ATL3: variants seen among roughly 807,000 people sequenced by gnomAD.
The protein encoded by ATL3 is atlastin-3.
A neutral mutation model predicts 69.5 loss-of-function variants in ATL3; 49 were observed. The observed-to-expected ratio is 0.71, with a 90% CI of 0.56 to 0.89. The LOEUF (loss-of-function observed/expected upper bound fraction) is 0.89, where lower values mean the gene tolerates loss of function less well. ATL3 is among the 40% of genes least tolerant of loss of function. The probability of loss-of-function intolerance (pLI) is 0.00; values close to 1 mark genes in which losing one functional copy is unlikely to be tolerated. For synonymous variants in ATL3, 214 were observed against 224.1 expected, an observed-to-expected ratio of 0.95 and a Z score of 0.40; for missense variants, 606 against 645.7, an observed-to-expected ratio of 0.94 and a Z score of 0.67.
intron 12 of ATL3, among the ~76,000 whole-genome samples, chr11:63,630,836 T>C (rs1034846608): frequency 3.3e-5 from 5 of 150,190 alleles, no homozygotes; most frequent in Admixed American, 6.6e-5. Flanking sequence ...GGGGCCTTTT[T>C]AGACATGGAA....
At chr11:63,661,458 A>G (rs115880642) in intron 1 of ATL3, among the ~76,000 whole-genome samples, 1 of 152,306 alleles carries the variant, frequency 6.6e-6, no homozygotes, top group Non-Finnish European at 1.5e-5. Flanking sequence ...TTAATTTGAA[A>G]TTCAGGCCAG....
chr11:63,665,621 G>A (rs540816843), intron 1 of ATL3, among the ~76,000 whole-genome samples: 2 of 152,216 alleles, frequency 1.3e-5, no homozygotes, highest in Admixed American at 6.5e-5. Flanking sequence ...GGCATGGGAG[G>A]TCTCGCCTAT....
chr11:63,645,314 G>A (rs1282044964), intron 6 of ATL3, among the ~76,000 whole-genome samples: 1 of 151,682 alleles, frequency 6.6e-6, no homozygotes, highest in Admixed American at 6.6e-5. Flanking sequence ...AGAATTGCTT[G>A]AACCTGGGAG....
chr11:63,632,784 T>C (rs527490354), intron 11 of ATL3: 129 of 824,514 alleles, frequency 1.6e-4, no homozygotes, highest in African/African-American at 2.4e-4. Flanking sequence ...ATTACTCCCA[T>C]TGAAACTATG....
At position 63,648,204 on chromosome 11, in the gene ATL3, TAAATC is replaced by T. The variant is rs780921692; in HGVS notation, c.562-1646_562-1642del. 5.4e-4 allele frequency among the ~76,000 whole-genome samples: 82 copies of T among 152,250 alleles called. No individual in the cohort carries two copies. In the Middle Eastern group the frequency reaches 0.017, roughly 32 times the overall value. On this transcript the variant is annotated intron_variant, in intron 5 of 12. Coordinates refer to ENST00000398868, the MANE Select transcript of ATL3 (RefSeq NM_015459.5). ...AGTCTCCTACCTTCAAACAGGTACT[TAAATC>T]AAAGTCCACATAGTGAGCAGTGGGA... is the stretch of plus-strand genomic sequence containing the variant.
chr11:63,656,607 G>A (rs1049698394), intron 3 of ATL3, among the ~76,000 whole-genome samples: 9 of 150,978 alleles, frequency 6.0e-5, no homozygotes, highest in Non-Finnish European at 7.4e-5. Flanking sequence ...GGTGGTGCGC[G>A]CCTGTAGTCC....
At chr11:63,670,187 G>A (rs1940728399) in intron 1 of ATL3, among the ~76,000 whole-genome samples, 3 of 152,124 alleles carry the variant, frequency 2.0e-5, no homozygotes, top group Middle Eastern at 3.4e-3. Context: ...GTGTTAGAGC[G>A]GCAACAGGAA....
intron 1 of ATL3, among the ~76,000 whole-genome samples, chr11:63,666,851 G>C (rs1325771180): frequency 6.6e-6 from 1 of 152,160 alleles, no homozygotes; most frequent in Non-Finnish European, 1.5e-5. Context: ...TGCAACAACA[G>C]TTAATGCTGT....
Position 63,629,358 on chromosome 11 carries a change from T to C in ATL3, c.1587A>G (p.Ala529=), listed in dbSNP as rs764146494. 1.9e-6 allele frequency: 3 copies of C among 1,614,068 alleles called. No individual in the cohort carries two copies. The highest frequency in any genetic ancestry group is 2.5e-6 in the Non-Finnish European group (3 of 1,180,044). The part of the protein sequence containing the change: ...GNSTQATVRD[A]VVGRPSMDKK... ...TATCCATGGATGGTCTTCCAACAACTGCATCCCTCACAGTGGCCTGAGTGG... is the reference window on the plus strand; with the variant it reads ...TATCCATGGATGGTCTTCCAACAACCGCATCCCTCACAGTGGCCTGAGTGG... The change falls in exon 13 of 13, where the codon GCA becomes GCG. Residue 529 remains alanine, a synonymous_variant. Coordinates refer to ENST00000398868, the MANE Select transcript of ATL3 (RefSeq NM_015459.5).
intron 5 of ATL3, among the ~76,000 whole-genome samples, chr11:63,651,179 G>A (rs745892901): frequency 5.3e-5 from 8 of 152,038 alleles, no homozygotes; most frequent in South Asian, 4.1e-4. Flanking sequence ...GAAAAAGGCC[G>A]GGCGCGGTGG....
rs1351962196 is a variant in ATL3, at chr11:63,624,537, CTTCT to C, written c.*4778_*4781del. 2.6e-5 allele frequency: 4 copies of C among 152,132 alleles called. No individual in the cohort carries two copies. The highest frequency in any genetic ancestry group is 5.9e-5 in the Non-Finnish European group (4 of 68,028). The allele number at this position is 152,132 out of a possible 1,614,324, so 9.4% of individuals were successfully genotyped here. On this transcript the variant is annotated 3_prime_UTR_variant, in exon 13 of 13. Transcript: ENST00000398868. ...CTAATGACAGGAATTAGGATCTTGT[CTTCT>C]TTCTTGTTCATTATTTTTATTTGTG...
In ATL3 at chr11:63,633,134, C is replaced by A. The variant is rs756035047; in HGVS notation, c.1036-37G>T. On this transcript the variant is annotated intron_variant, in intron 10 of 12. Coordinates refer to ENST00000398868, the MANE Select transcript of ATL3 (RefSeq NM_015459.5). Reference sequence around the variant, plus strand: ...GAAAAACGTGAACTGTAAATCCTTCCTCTTTTAACATTCCTCCACAAATAA... The same window carrying A: ...GAAAAACGTGAACTGTAAATCCTTCATCTTTTAACATTCCTCCACAAATAA... 3.2e-6 allele frequency: 5 copies of A among 1,545,712 alleles called. No homozygotes were observed. The South Asian group carries it at 5.6e-5, about 17-fold the overall frequency.
upstream of ATL3, chr11:63,671,379 G>A (rs765703663): frequency 1.3e-6 from 2 of 1,554,726 alleles, no homozygotes; most frequent in Middle Eastern, 1.7e-4. Context: ...GTGCAGAGGA[G>A]AGGGACGGGT....
chr11:63,671,513 C>T (rs1940782315), upstream of ATL3: 2 of 1,441,938 alleles, frequency 1.4e-6, no homozygotes, highest in Non-Finnish European at 9.1e-7. Context: ...GTCTGCGTGG[C>T]CCAACGGACA....
chr11:63,661,042 C>T (rs1008565288), intron 1 of ATL3, among the ~76,000 whole-genome samples: 1 of 150,950 alleles, frequency 6.6e-6, no homozygotes, highest in African/African-American at 2.4e-5. Context: ...GGTAAAGCCC[C>T]GTCTCTATAA....
In ATL3 at chr11:63,633,202, T is replaced by C. The variant is rs974867512; in HGVS notation, c.1036-105A>G. On this transcript the variant is annotated intron_variant, in intron 10 of 12. Coordinates refer to ENST00000398868, the MANE Select transcript of ATL3 (RefSeq NM_015459.5). ...CTATTCCCCATTCTTCCTTTTTTAT[T>C]AACCTTCTATTTTTCTAGATTTCCA... The C allele has an allele frequency of 1.1e-5, 10 of 888,116 alleles. No homozygotes were observed. In the Admixed American group the frequency reaches 2.3e-4, roughly 21 times the overall value. 55.0% of individuals were successfully genotyped at this position (888,116 alleles called of 1,614,324 possible).
rs1555050907 is a variant in ATL3 at position 63,631,076 on chromosome 11, TCCG to T, written c.1500_1502del (p.Gly501del). 2 of 1,613,784 alleles carry T rather than the reference TCCG, an allele frequency of 1.2e-6. No homozygotes were observed. Among genetic ancestry groups the T allele is most frequent in the Non-Finnish European group, 1.7e-6 (2 of 1,179,896 alleles). On this transcript the variant is annotated inframe_deletion, in exon 12 of 13. Coordinates refer to ENST00000398868, the MANE Select transcript of ATL3 (RefSeq NM_015459.5). ...CATATGCGGCACCAAAATCAATAGC[TCCG>T]CCCAGCTCACGATATTGACCAGAAT...
chr11:63,649,393 C>T (rs1939996003), intron 5 of ATL3, among the ~76,000 whole-genome samples: 1 of 152,116 alleles, frequency 6.6e-6, no homozygotes, highest in African/African-American at 2.4e-5. Flanking sequence ...ATTCACCTGC[C>T]TCAGCCTCCC....
intron 7 of ATL3, 56 bp downstream of exon 7, chr11:63,644,113 T>G: frequency 1.7e-6 from 2 of 1,202,454 alleles, no homozygotes; most frequent in African/African-American, 1.5e-5. Flanking sequence ...CAAAAGCAAA[T>G]GAGAAAGCTA....
Sources: allele counts gnomAD v4.1 joint callset (sites outside exome capture counted in the v4.1 genomes callset), GRCh38; gene constraint gnomAD v4.1.1; transcripts MANE v1.5; gene names NCBI Gene and HGNC (gene_info 2026-07-23, HGNC 2026-07-21).